FOXP1: variants seen among roughly 807,000 people sequenced by gnomAD.
FOXP1 encodes forkhead box P1, also known as forkhead box protein P1.
A neutral mutation model predicts 98.2 loss-of-function variants in FOXP1; 15 were observed. The ratio of observed to expected loss-of-function variants is 0.15; its 90% CI spans 0.10 to 0.24. FOXP1 has a LOEUF of 0.24. Ranked by LOEUF, FOXP1 falls within the 10% of genes least tolerant of loss-of-function variation. The pLI is 1.00. For missense variants in FOXP1, 633 were observed against 848.5 expected (o/e 0.75, Z 3.15); for synonymous variants, 371 against 314.5 (o/e 1.18, Z -1.90).
intron 11 of FOXP1, among the ~76,000 whole-genome samples, chr3:71,020,234 T>C (rs897178902): frequency 6.6e-6 from 1 of 152,156 alleles, no homozygotes; most frequent in East Asian, 1.9e-4. Flanking sequence ...AAAAGTATAA[T>C]TACATATAAA....
chr3:71,426,237 T>C (rs1451177321), intron 3 of FOXP1, among the ~76,000 whole-genome samples: 1 of 152,198 alleles, frequency 6.6e-6, no homozygotes, highest in African/African-American at 2.4e-5. Context: ...GAATTAACAC[T>C]ATAAGCTCAA....
intron 3 of FOXP1, among the ~76,000 whole-genome samples, chr3:71,397,664 G>A (rs2081629942): frequency 6.6e-6 from 1 of 152,142 alleles, no homozygotes; most frequent in South Asian, 2.1e-4. Context: ...AACAATAGGA[G>A]GACCCCATAT....
At chr3:71,399,906 G>T (rs11711425) in intron 3 of FOXP1, among the ~76,000 whole-genome samples, 103,616 of 152,094 alleles carry the variant, frequency 0.68, 36,555 homozygotes, top group Non-Finnish European at 0.74. Context: ...TGAAAACGAT[G>T]TAGCAAATGC....
chr3:71,172,068 T>C (rs1412243106), intron 6 of FOXP1, among the ~76,000 whole-genome samples: 1 of 152,242 alleles, frequency 6.6e-6, no homozygotes, highest in East Asian at 1.9e-4. Flanking sequence ...CCCAACCTGC[T>C]ATCCTTCCTG....
chr3:71,234,675 A>G (rs1157002189), intron 5 of FOXP1, among the ~76,000 whole-genome samples: 1 of 152,220 alleles, frequency 6.6e-6, no homozygotes, highest in African/African-American at 2.4e-5. Context: ...CCAGTTATGC[A>G]CAGGACAAAA....
chr3:71,495,755 A>T (rs886921514), intron 2 of FOXP1, among the ~76,000 whole-genome samples: 1 of 152,182 alleles, frequency 6.6e-6, no homozygotes, highest in Non-Finnish European at 1.5e-5. Flanking sequence ...TTTCCAGCCA[A>T]TACCCTAATA....
At chr3:71,120,769 C>T (rs1323503218) in intron 6 of FOXP1, among the ~76,000 whole-genome samples, 1 of 152,176 alleles carries the variant, frequency 6.6e-6, no homozygotes, top group Non-Finnish European at 1.5e-5. Flanking sequence ...TCACCCCACA[C>T]CAGCCTGAAC....
At chr3:71,345,433 CACACACACACAT>C (rs1172300043) in intron 4 of FOXP1, among the ~76,000 whole-genome samples, 4 of 146,152 alleles carry the variant, frequency 2.7e-5, no homozygotes, top group African/African-American at 1.1e-4. Flanking sequence ...CACACACACA[CACACACACACAT>C]ATATATACCA....
At chr3:70,975,825 T>C (rs991938971) in intron 17 of FOXP1, among the ~76,000 whole-genome samples, 1 of 151,890 alleles carries the variant, frequency 6.6e-6, no homozygotes, top group African/African-American at 2.4e-5. Context: ...CCCAAAAATA[T>C]GTGAGGGATC....
intron 1 of FOXP1, 133 bp downstream of exon 1, chr3:71,583,438 C>G: frequency 3.2e-6 from 3 of 943,834 alleles, no homozygotes; most frequent in Non-Finnish European, 3.8e-6. Flanking sequence ...TTTTTTTTTT[C>G]CATTTTTTTT....
At chr3:71,200,083 C>CAAAAAAAAAA (rs61281811) in intron 5 of FOXP1, among the ~76,000 whole-genome samples, 14 of 76,052 alleles carry the variant, frequency 1.8e-4, no homozygotes, top group Middle Eastern at 0.015. Context: ...CTCCATCTCA[C>CAAAAAAAAAA]AAAAAAAAAA....
chr3:71,392,437 C>T (rs531483234), intron 3 of FOXP1, among the ~76,000 whole-genome samples: 1 of 152,070 alleles, frequency 6.6e-6, no homozygotes, highest in Admixed American at 6.5e-5. Flanking sequence ...TATTACTATT[C>T]TTTTTGTTTA....
intron 3 of FOXP1, among the ~76,000 whole-genome samples, chr3:71,370,082 C>G (rs917715669): frequency 6.6e-6 from 1 of 152,082 alleles, no homozygotes; most frequent in East Asian, 1.9e-4. Context: ...GGGAAATGAT[C>G]CTAGGATTTT....
intron 2 of FOXP1, among the ~76,000 whole-genome samples, chr3:71,510,827 G>A (rs1009759176): frequency 6.6e-6 from 1 of 152,128 alleles, no homozygotes; most frequent in East Asian, 1.9e-4. Flanking sequence ...CAAAGCTGAA[G>A]GTCATTTTTA....
intron 19 of FOXP1, among the ~76,000 whole-genome samples, chr3:70,967,710 G>GTTTTTTTTTTTTTTTTTTTT (rs756777959): frequency 7.3e-5 from 5 of 68,878 alleles, no homozygotes; most frequent in Non-Finnish European, 1.1e-4. Flanking sequence ...GTTTTTTTTT[G>GTTTTTTTTTTTTTTTTTTTT]TTTTTTTTTT....
intron 5 of FOXP1, among the ~76,000 whole-genome samples, chr3:71,260,936 T>C (rs2069082452): frequency 6.6e-6 from 1 of 152,176 alleles, no homozygotes. Context: ...CACAGTCCCA[T>C]GAGCTTTCGA....
chr3:71,440,289 G>C (rs1241367850), intron 3 of FOXP1, among the ~76,000 whole-genome samples: 1 of 152,050 alleles, frequency 6.6e-6, no homozygotes, highest in Non-Finnish European at 1.5e-5. Flanking sequence ...AACAAGTCCA[G>C]GTGCAGTGGT....
At chr3:71,468,482 G>T (rs1280112018) in intron 3 of FOXP1, among the ~76,000 whole-genome samples, 1 of 152,120 alleles carries the variant, frequency 6.6e-6, no homozygotes, top group Non-Finnish European at 1.5e-5. Context: ...CCTTTCTAAT[G>T]TTAGGTCTCT....
chr3:71,140,834 A>G (rs758055149), intron 6 of FOXP1, among the ~76,000 whole-genome samples: 1 of 152,134 alleles, frequency 6.6e-6, no homozygotes, highest in African/African-American at 2.4e-5. Flanking sequence ...AAATGTGTCA[A>G]GAAGCCAGGC....
Sources: gnomAD v4.1 joint callset for allele counts (sites outside exome capture counted in the v4.1 genomes callset) on GRCh38, gnomAD v4.1.1 for gene constraint, MANE v1.5 for transcripts, NCBI Gene and HGNC (gene_info 2026-07-23, HGNC 2026-07-21) for gene names.